PDE10A: variants seen among roughly 807,000 people sequenced by gnomAD.
The protein encoded by PDE10A is phosphodiesterase 10A.
Under a neutral mutation model 97.7 loss-of-function variants are expected in PDE10A, and 39 were observed. The ratio of observed to expected loss-of-function variants is 0.40; its 90% CI spans 0.31 to 0.52. The LOEUF (loss-of-function observed/expected upper bound fraction) is 0.52. PDE10A is among the 20% of genes least tolerant of loss of function. The pLI is 0.56. For synonymous variants in PDE10A, 371 were observed against 376.8 expected (o/e 0.98, Z 0.18); for missense variants, 731 against 1,047.8 (o/e 0.70, Z 4.17).
At chr6:165,647,465 G>A (rs978866219) in intron 1 of PDE10A, among the ~76,000 whole-genome samples, 2 of 152,146 alleles carry the variant, frequency 1.3e-5, no homozygotes, top group Non-Finnish European at 2.9e-5. Flanking sequence ...ATGGGGAATG[G>A]GACTACAATA....
intron 1 of PDE10A, among the ~76,000 whole-genome samples, chr6:165,622,189 C>T (rs1473820224): frequency 6.6e-6 from 1 of 152,208 alleles, no homozygotes; most frequent in Non-Finnish European, 1.5e-5. Context: ...TGTTTCCAGA[C>T]TTGCTGGCCT....
chr6:165,939,816 T>A (rs2293183), intron 1 of PDE10A: 15,098 of 152,264 alleles, frequency 0.099, 930 homozygotes, highest in African/African-American at 0.15. Flanking sequence ...AACCTGAGGC[T>A]GCCTGACTCT....
rs1419779816 is a variant in PDE10A at position 165,442,293 on chromosome 6, C to T, written c.1194+6635G>A. ...TATCTCCTAATGCTATCCCTCCCCGCTCCCCCCACCCCACAACAGGCCCCA... is the reference window on the plus strand; with the variant it reads ...TATCTCCTAATGCTATCCCTCCCCGTTCCCCCCACCCCACAACAGGCCCCA... On this transcript the variant is annotated intron_variant, in intron 5 of 21. Coordinates refer to ENST00000539869, the MANE Select transcript of PDE10A (RefSeq NM_001385079.1). 3.3e-5 allele frequency among the ~76,000 whole-genome samples: 5 copies of T among 152,058 alleles called. No individual in the cohort carries two copies. The East Asian group carries it at 7.7e-4, about 24-fold the overall frequency.
Position 165,950,052 on chromosome 6 carries a change from C to T in PDE10A, c.-615+37477G>A, listed in dbSNP as rs888617633. 3 of 152,132 alleles carry T rather than the reference C, an allele frequency of 2.0e-5. No homozygotes were observed. The South Asian group carries it at 6.2e-4, about 32-fold the overall frequency. 9.4% of individuals were successfully genotyped at this position (152,132 alleles called of 1,614,324 possible). A position where few individuals can be genotyped will look rare whatever the true frequency, so the allele number is the denominator to read the frequency against. On this transcript the variant is annotated intron_variant, in intron 1 of 19. Coordinates refer to the PDE10A transcript ENST00000366882. ...ATTATTTTGCATGTGTTTAGTCCAG[C>T]CTCTTGTTTTTGCTTTGTCCTGATT...
chr6:165,759,805 T>C (rs1562722406), intron 1 of PDE10A, among the ~76,000 whole-genome samples: 1 of 152,204 alleles, frequency 6.6e-6, no homozygotes, highest in Non-Finnish European at 1.5e-5. Context: ...CCCAGGCATT[T>C]GGGCTCCTGG....
intron 1 of PDE10A, among the ~76,000 whole-genome samples, chr6:165,974,742 A>G (rs1021569764): frequency 6.6e-6 from 1 of 152,202 alleles, no homozygotes; most frequent in African/African-American, 2.4e-5. Flanking sequence ...CATTTGTACT[A>G]AATTTTACTA....
intron 1 of PDE10A, among the ~76,000 whole-genome samples, chr6:165,701,685 A>T (rs936275494): frequency 7.4e-6 from 1 of 135,248 alleles, no homozygotes; most frequent in Non-Finnish European, 1.6e-5. Flanking sequence ...GTGTGTGTGC[A>T]TGTAAGTGTG....
chr6:165,950,542 T>C (rs1339806720), intron 1 of PDE10A, among the ~76,000 whole-genome samples: 97 of 152,212 alleles, frequency 6.4e-4, no homozygotes, highest in Non-Finnish European at 1.2e-4. Context: ...CCAGCTCTGC[T>C]TAGAACCTTC....
intron 1 of PDE10A, among the ~76,000 whole-genome samples, chr6:165,739,518 T>G (rs915461359): frequency 8.6e-5 from 13 of 151,788 alleles, no homozygotes; most frequent in Non-Finnish European, 1.6e-4. Flanking sequence ...AAATGTAAGA[T>G]CTGAAGCTGT....
chr6:165,646,411 A>G (rs1789400449), intron 1 of PDE10A, among the ~76,000 whole-genome samples: 1 of 152,250 alleles, frequency 6.6e-6, no homozygotes, highest in South Asian at 2.1e-4. Context: ...TGCAGGAAAA[A>G]GTATTTAATG....
chr6:165,440,373 A>G (rs772723351), intron 5 of PDE10A, among the ~76,000 whole-genome samples: 9 of 152,118 alleles, frequency 5.9e-5, no homozygotes, highest in East Asian at 1.9e-4. Context: ...CTGCTCTTCC[A>G]TTTTTCCCAA....
At chr6:165,820,328 T>C (rs1005608842) in intron 1 of PDE10A, among the ~76,000 whole-genome samples, 4 of 152,236 alleles carry the variant, frequency 2.6e-5, no homozygotes, top group Admixed American at 2.6e-4. Flanking sequence ...AAAAGAAGAA[T>C]AGGAATCTTT....
chr6:165,905,754 T>C (rs1004089917), intron 1 of PDE10A, among the ~76,000 whole-genome samples: 4 of 151,824 alleles, frequency 2.6e-5, no homozygotes, highest in Non-Finnish European at 5.9e-5. Flanking sequence ...AAAATCCAAA[T>C]ATTAACAATG....
At chr6:165,629,353 A>G (rs1788525445) in intron 1 of PDE10A, among the ~76,000 whole-genome samples, 1 of 152,202 alleles carries the variant, frequency 6.6e-6, no homozygotes. Context: ...AAGGTTCTAC[A>G]GAAAACACTT....
chr6:165,336,321 T>C (rs1283717846), intron 20 of PDE10A, 110 bp from the exon 21 acceptor site: 6 of 727,332 alleles, frequency 8.2e-6, no homozygotes, highest in Non-Finnish European at 1.2e-5. Flanking sequence ...AATTATAAAA[T>C]TGCATGTTCT....
At chr6:165,438,083 A>G (rs1198436037) in intron 5 of PDE10A, among the ~76,000 whole-genome samples, 1 of 152,216 alleles carries the variant, frequency 6.6e-6, no homozygotes, top group African/African-American at 2.4e-5. Flanking sequence ...TTCCACAGAT[A>G]CTGTCAAGTA....
chr6:165,479,112 T>TA (rs1779456920), intron 3 of PDE10A, among the ~76,000 whole-genome samples: 1 of 152,180 alleles, frequency 6.6e-6, no homozygotes, highest in Non-Finnish European at 1.5e-5. Flanking sequence ...AGCTTCTAAG[T>TA]AGACTGTAAC....
intron 2 of PDE10A, among the ~76,000 whole-genome samples, chr6:165,488,473 T>A (rs759511994): frequency 3.3e-5 from 5 of 152,168 alleles, no homozygotes; most frequent in Admixed American, 2.0e-4. Flanking sequence ...AAATGGTGGA[T>A]AGGAGGCAGG....
chr6:165,861,792 C>T (rs1335648537), intron 1 of PDE10A, among the ~76,000 whole-genome samples: 1 of 152,120 alleles, frequency 6.6e-6, no homozygotes, highest in Non-Finnish European at 1.5e-5. Context: ...CAAGGATGTG[C>T]CACTCCAGAA....
Sources: gnomAD v4.1 joint callset for allele counts (sites outside exome capture counted in the v4.1 genomes callset) on GRCh38, gnomAD v4.1.1 for gene constraint, MANE v1.5 for transcripts, NCBI Gene and HGNC (gene_info 2026-07-23, HGNC 2026-07-21) for gene names.